Variants in TAOK1 observed in about 807,000 individuals in gnomAD.
TAOK1 encodes TAO kinase 1, also known as serine/threonine-protein kinase TAO1.
Under a neutral mutation model 138.3 loss-of-function variants are expected in TAOK1, and 21 were observed. The ratio of observed to expected loss-of-function variants is 0.15; its 90% CI spans 0.11 to 0.22. The LOEUF (loss-of-function observed/expected upper bound fraction) is 0.22. Ranked by LOEUF, TAOK1 falls within the 10% of genes least tolerant of loss-of-function variation. TAOK1 has a pLI of 1.00. For missense variants in TAOK1, 651 were observed against 1,227.7 expected, an observed-to-expected ratio of 0.53 and a Z score of 7.02; for synonymous variants, 361 against 398.4, an observed-to-expected ratio of 0.91 and a Z score of 1.12.
At chr17:29,467,039 C>T in intron 2 of TAOK1, 106 bp from the exon 3 acceptor site, 3 of 725,886 alleles carry the variant, frequency 4.1e-6, no homozygotes, top group Non-Finnish European at 4.1e-6. Flanking sequence ...TTTTGATGTC[C>T]TTTTTGACAT....
rs866668616 is a variant in TAOK1, at chr17:29,546,002, C to T, written c.*2980C>T. 6.6e-6 allele frequency: 1 copy of T among 152,088 alleles called. No homozygotes were observed. The highest frequency in any genetic ancestry group is 1.5e-5 in the Non-Finnish European group (1 of 67,968). 9.4% of individuals were successfully genotyped at this position (152,088 alleles called of 1,614,324 possible). ...CATTTTAAAAATGCAAAGCCACATA[C>T]TTTGAAATATATTATTCCAAATTGA... On this transcript the variant is annotated 3_prime_UTR_variant, in exon 20 of 20. Coordinates refer to ENST00000261716, the MANE Select transcript of TAOK1 (RefSeq NM_020791.4).
chr17:29,531,037 C>G (rs1650547628), intron 18 of TAOK1, among the ~76,000 whole-genome samples: 1 of 138,146 alleles, frequency 7.2e-6, no homozygotes, highest in South Asian at 2.3e-4. Flanking sequence ...TCTCGGCTCA[C>G]TGCAAGCTCC....
intron 9 of TAOK1, 109 bp from the exon 10 acceptor site, chr17:29,491,675 A>G (rs2031297689): frequency 2.6e-6 from 2 of 755,832 alleles, no homozygotes; most frequent in Non-Finnish European, 2.3e-6. Flanking sequence ...CTTTTTTTTA[A>G]TCATTCCCTT....
At chr17:29,523,578 G>A (rs1431176245) in intron 17 of TAOK1, among the ~76,000 whole-genome samples, 13 of 151,986 alleles carry the variant, frequency 8.6e-5, no homozygotes, top group African/African-American at 1.9e-4. Flanking sequence ...TAGTAGAGAC[G>A]GGGTTCACCG....
chr17:29,403,891 T>C (rs1250534473), intron 1 of TAOK1: 1 of 151,974 alleles, frequency 6.6e-6, no homozygotes, highest in African/African-American at 2.4e-5. Flanking sequence ...CTTTGACATG[T>C]CGTTATTAGT....
intron 2 of TAOK1, among the ~76,000 whole-genome samples, chr17:29,465,173 T>G (rs2030632380): frequency 8.3e-6 from 1 of 119,770 alleles, no homozygotes; most frequent in African/African-American, 3.2e-5. Context: ...GGACTCTCAC[T>G]CTGTTGCCCA....
At chr17:29,452,975 A>G (rs996961609) in intron 2 of TAOK1, among the ~76,000 whole-genome samples, 3 of 151,998 alleles carry the variant, frequency 2.0e-5, no homozygotes, top group Non-Finnish European at 4.4e-5. Flanking sequence ...CCTGTTTTCA[A>G]TTTTGAGTAT....
chr17:29,533,459 A>T (rs1173594107), intron 18 of TAOK1, among the ~76,000 whole-genome samples: 1 of 152,064 alleles, frequency 6.6e-6, no homozygotes, highest in African/African-American at 2.4e-5. Context: ...CAGAGGCTGC[A>T]ATCTCGGCAC....
chr17:29,522,775 G>A (rs1443015775), intron 17 of TAOK1, among the ~76,000 whole-genome samples: 1 of 152,054 alleles, frequency 6.6e-6, no homozygotes, highest in Non-Finnish European at 1.5e-5. Context: ...CAAGATTCTT[G>A]TTTTAAACTT....
chr17:29,504,529 G>C (rs893146845), intron 13 of TAOK1, among the ~76,000 whole-genome samples: 1 of 151,808 alleles, frequency 6.6e-6, no homozygotes, highest in African/African-American at 2.4e-5. Context: ...AATTAGCTGG[G>C]CGTGATGGCG....
At chr17:29,507,051 G>C (rs567185620) in intron 13 of TAOK1, among the ~76,000 whole-genome samples, 188 of 152,144 alleles carry the variant, frequency 1.2e-3, no homozygotes, top group African/African-American at 4.4e-3. Flanking sequence ...TATCTATAGA[G>C]ACAAAAAGCA....
Position 29,434,413 on chromosome 17 carries a change from A to C in TAOK1, c.-94-17042A>C, listed in dbSNP as rs1905959828. Among the ~76,000 whole-genome samples, 4 of 152,240 alleles carry C rather than the reference A, an allele frequency of 2.6e-5. No individual in the cohort carries two copies. The South Asian group carries it at 8.3e-4, about 32-fold the overall frequency. ...TACAGATTGAAGATGAATGGCTACC[A>C]ATCTAGAAAGAGGGAAGCAGGCCTC... On this transcript the variant is annotated intron_variant, in intron 1 of 19. Coordinates refer to ENST00000261716, the MANE Select transcript of TAOK1 (RefSeq NM_020791.4).
At chr17:29,529,765 C>G (rs1463538666) in intron 17 of TAOK1, among the ~76,000 whole-genome samples, 1 of 151,778 alleles carries the variant, frequency 6.6e-6, no homozygotes, top group East Asian at 1.9e-4. Flanking sequence ...ATTCGGGAGG[C>G]TGAGACAGGA....
intron 11 of TAOK1, among the ~76,000 whole-genome samples, chr17:29,496,260 C>G (rs1417018855): frequency 6.6e-6 from 1 of 151,858 alleles, no homozygotes; most frequent in Non-Finnish European, 1.5e-5. Flanking sequence ...ACCACCACAC[C>G]TGACTAATTT....
At chr17:29,531,837 A>G (rs1014788438) in intron 18 of TAOK1, among the ~76,000 whole-genome samples, 2 of 150,154 alleles carry the variant, frequency 1.3e-5, no homozygotes, top group Non-Finnish European at 3.0e-5. Context: ...GGGTACTTAT[A>G]TAACTGCTTA....
At chr17:29,497,908 C>T (rs2031444835) in intron 11 of TAOK1, among the ~76,000 whole-genome samples, 1 of 151,166 alleles carries the variant, frequency 6.6e-6, no homozygotes, top group Non-Finnish European at 1.5e-5. Flanking sequence ...CCAGAATAGC[C>T]AGTGCTTTTT....
At chr17:29,439,888 AT>A (rs1173580661) in intron 1 of TAOK1, among the ~76,000 whole-genome samples, 4,184 of 95,584 alleles carry the variant, frequency 0.044, 206 homozygotes, top group African/African-American at 0.15. Flanking sequence ...AAAAAAAAAA[AT>A]TTTTTTTTAA....
chr17:29,450,200 C>G (rs1462365030), intron 1 of TAOK1, among the ~76,000 whole-genome samples: 1 of 152,012 alleles, frequency 6.6e-6, no homozygotes, highest in Non-Finnish European at 1.5e-5. Flanking sequence ...GATCCTCCCA[C>G]CTCAGTCTCC....
intron 1 of TAOK1, among the ~76,000 whole-genome samples, chr17:29,437,441 G>A (rs1598480932): frequency 6.6e-6 from 1 of 151,586 alleles, no homozygotes; most frequent in Admixed American, 6.6e-5. Context: ...CAAGTGATCT[G>A]CCTGCCTCAG....
Sources: allele counts gnomAD v4.1 joint callset (sites outside exome capture counted in the v4.1 genomes callset), GRCh38; gene constraint gnomAD v4.1.1; transcripts MANE v1.5; gene names NCBI Gene and HGNC (gene_info 2026-07-23, HGNC 2026-07-21).